CTDSP2: variants seen among roughly 807,000 people sequenced by gnomAD.
The protein encoded by CTDSP2 is carboxy-terminal domain RNA polymerase II polypeptide A small phosphatase 2.
Under a neutral mutation model 31.6 loss-of-function variants are expected in CTDSP2, and 9 were observed. The ratio of observed to expected loss-of-function variants is 0.28; its 90% CI spans 0.17 to 0.50. CTDSP2 has a LOEUF of 0.50. Among genes scored for constraint, CTDSP2 ranks in the 20% least tolerant of loss-of-function variants. The pLI, the probability that CTDSP2 is intolerant of heterozygous loss-of-function variation, is 0.98. For synonymous variants in CTDSP2, 134 were observed against 134.5 expected (o/e 1.00, Z 0.03); for missense variants, 267 against 348.5 (o/e 0.77, Z 1.86).
chr12:57,843,549 G>C (rs970245390), intron 1 of CTDSP2, among the ~76,000 whole-genome samples: 4 of 151,400 alleles, frequency 2.6e-5, no homozygotes, highest in African/African-American at 9.7e-5. Flanking sequence ...AAAAAAACCC[G>C]CAATGGCAAG....
intron 5 of CTDSP2, chr12:57,824,714 T>A (rs1257134554): frequency 3.7e-6 from 2 of 534,146 alleles, no homozygotes; most frequent in Non-Finnish European, 7.6e-6. Context: ...TTTCTGTCCT[T>A]GGCTCCGACA....
intron 1 of CTDSP2, 42 bp downstream of exon 1, chr12:57,846,330 G>C (rs1956316028): frequency 6.4e-7 from 1 of 1,567,692 alleles, no homozygotes; most frequent in African/African-American, 1.4e-5. Flanking sequence ...CCCCCTCCGC[G>C]CCCGGGGGCG....
intron 1 of CTDSP2, among the ~76,000 whole-genome samples, chr12:57,839,673 G>A (rs1032189076): frequency 3.9e-5 from 6 of 151,968 alleles, no homozygotes; most frequent in Admixed American, 3.9e-4. Flanking sequence ...AGCTGAGATC[G>A]AGATCGCGCC....
chr12:57,829,393 A>ATC, intron 2 of CTDSP2, 55 bp downstream of exon 2: 1 of 1,580,026 alleles, frequency 6.3e-7, no homozygotes, highest in Non-Finnish European at 8.7e-7. Context: ...GTCTGCAGGG[A>ATC]TCTCCCATTA....
In CTDSP2 at chr12:57,824,232, C is replaced by A; in HGVS notation, c.499G>T (p.Ala167Ser). 1.9e-6 allele frequency: 3 copies of A among 1,614,012 alleles called. No individual in the cohort carries two copies. In the Middle Eastern group the frequency reaches 4.9e-4, roughly 266 times the overall value. Reference protein sequence around the residue: ...FECVLFTASLAKYADPVTDLL... With the variant: ...FECVLFTASLSKYADPVTDLL... ...TCCCTCTCACCCCTAGGTACCTTGG[C>A]CAGGCTGGCAGTGAAGAGAACACAT... Residue 167 changes from alanine (A) to serine (S), a missense_variant, in exon 6 of 8, where the codon GCC becomes TCC. Ala to Ser is a moderately conservative substitution (Grantham distance 99, BLOSUM62 1). This residue lies in a region of CTDSP2 where 156 missense variants were observed against 241.3 expected (regional missense o/e 0.65). Coordinates refer to ENST00000398073, the MANE Select transcript of CTDSP2 (RefSeq NM_005730.4).
intron 1 of CTDSP2, chr12:57,842,718 G>T: frequency 6.6e-6 from 1 of 152,544 alleles, no homozygotes. Context: ...CAAGACCCAG[G>T]GTAGGCAAAG....
chr12:57,845,793 G>A (rs879710447), intron 1 of CTDSP2, among the ~76,000 whole-genome samples: 6 of 152,118 alleles, frequency 3.9e-5, no homozygotes, highest in Non-Finnish European at 7.4e-5. Context: ...CGCCACGTCT[G>A]GTGCGCCAGG....
chr12:57,834,465 T>C (rs1017050750), intron 1 of CTDSP2, among the ~76,000 whole-genome samples: 1 of 152,106 alleles, frequency 6.6e-6, no homozygotes, highest in African/African-American at 2.4e-5. Flanking sequence ...CTCCAGGGAA[T>C]CCACCCCCAC....
At chr12:57,824,144 C>T (rs78073833) in intron 6 of CTDSP2, 55 bp from the exon 7 acceptor site, 110,893 of 1,610,548 alleles carry the variant, frequency 0.069, 4,460 homozygotes, top group Non-Finnish European at 0.082. Flanking sequence ...TCCTGTATAA[C>T]CCTAGGGACC....
intron 1 of CTDSP2, among the ~76,000 whole-genome samples, chr12:57,830,008 T>C (rs924534835): frequency 6.6e-6 from 1 of 152,168 alleles, no homozygotes; most frequent in Non-Finnish European, 1.5e-5. Context: ...CCCTTTGAGT[T>C]AGTGGAGCTG....
chr12:57,838,833 G>C (rs1956263681), intron 1 of CTDSP2, among the ~76,000 whole-genome samples: 1 of 152,180 alleles, frequency 6.6e-6, no homozygotes, highest in African/African-American at 2.4e-5. Context: ...GGGAGCTCAG[G>C]GAGTGTCCTG....
At position 57,821,805 on chromosome 12, in the gene CTDSP2, A is replaced by G. The variant is rs867327642; in HGVS notation, c.*1797T>C. On this transcript the variant is annotated 3_prime_UTR_variant, in exon 8 of 8. Coordinates refer to ENST00000398073, the MANE Select transcript of CTDSP2 (RefSeq NM_005730.4). ...AGTTCTGGGGACTCTGTTCCACTTT[A>G]TGATTCCAAAGAGAAAGACAAGGCC... 2.6e-5 allele frequency: 4 copies of G among 152,226 alleles called. No homozygotes were observed. Among genetic ancestry groups the G allele is most frequent in the African/African-American group, 9.7e-5 (4 of 41,450 alleles). 9.4% of individuals were successfully genotyped at this position (152,226 alleles called of 1,614,324 possible).
chr12:57,830,400 A>AAAAC (rs770665418), intron 1 of CTDSP2, among the ~76,000 whole-genome samples: 39 of 151,860 alleles, frequency 2.6e-4, no homozygotes, highest in Admixed American at 8.5e-4. Flanking sequence ...AACAACAACA[A>AAAAC]AAACAAACAA....
intron 1 of CTDSP2, among the ~76,000 whole-genome samples, chr12:57,841,293 C>G (rs893969305): frequency 1.3e-4 from 20 of 152,302 alleles, no homozygotes; most frequent in African/African-American, 4.8e-4. Context: ...ACCACAGGAG[C>G]AAACAAATAG....
rs769745581 is a variant in CTDSP2, at chr12:57,826,303, C to A, written c.411+43G>T. 1.2e-5 allele frequency: 19 copies of A among 1,586,614 alleles called. No homozygotes were observed. The African/African-American group carries it at 2.4e-4, about 20-fold the overall frequency. On this transcript the variant is annotated intron_variant, in intron 5 of 7. Transcript: ENST00000398073. ...CAGTACAGGTGAGGCAGAAGGCAGA[C>A]CCCCCACCCTCTGGGCTGGGTGTGG...
intron 1 of CTDSP2, among the ~76,000 whole-genome samples, chr12:57,844,377 T>C (rs1956300549): frequency 6.6e-6 from 1 of 152,226 alleles, no homozygotes; most frequent in Non-Finnish European, 1.5e-5. Flanking sequence ...CCCTGGTGGA[T>C]GAAACTTCCA....
At chr12:57,831,398 A>G (rs1244417157) in intron 1 of CTDSP2, among the ~76,000 whole-genome samples, 1 of 152,262 alleles carries the variant, frequency 6.6e-6, no homozygotes, top group Non-Finnish European at 1.5e-5. Context: ...AGTCGCAGTG[A>G]GCCGAGATCA....
At chr12:57,834,352 A>G (rs1169385629) in intron 1 of CTDSP2, among the ~76,000 whole-genome samples, 1 of 152,144 alleles carries the variant, frequency 6.6e-6, no homozygotes, top group Non-Finnish European at 1.5e-5. Flanking sequence ...ATGAGCTGGT[A>G]AAGGACCAGT....
Position 57,846,252 on chromosome 12 carries a change from C to A in CTDSP2, c.64+120G>T, listed in dbSNP as rs568254716. 254 of 887,026 alleles carry A rather than the reference C, an allele frequency of 2.9e-4. No homozygotes were observed. In the Middle Eastern group the frequency reaches 3.2e-3, roughly 11 times the overall value. 54.9% of individuals were successfully genotyped at this position (887,026 alleles called of 1,614,324 possible). On this transcript the variant is annotated intron_variant, in intron 1 of 7. Transcript: ENST00000398073. ...GCGGGGGCGGATGGACCGGAGGGGT[C>A]CAGTCGGGATCGCTGGCTCTAAGCC...
Sources: gnomAD v4.1 joint callset for allele counts (sites outside exome capture counted in the v4.1 genomes callset) on GRCh38, gnomAD v4.1.1 for gene constraint, gnomAD v4.1.1 regional missense constraint, MANE v1.5 for transcripts, NCBI Gene and HGNC (gene_info 2026-07-23, HGNC 2026-07-21) for gene names.